Variants in L3MBTL3 observed in about 807,000 individuals in gnomAD.
L3MBTL3 encodes the protein L3MBTL histone methyl-lysine binding protein 3.
In L3MBTL3, 27 loss-of-function variants were observed where a neutral mutation model predicts 102.3. The observed-to-expected ratio is 0.26, with a 90% CI of 0.19 to 0.36. The LOEUF (loss-of-function observed/expected upper bound fraction) is 0.36. L3MBTL3 is among the 10% of genes least tolerant of loss of function. L3MBTL3 has a pLI of 1.00. For missense variants in L3MBTL3, 798 were observed against 955.3 expected (o/e 0.84, Z 2.17); for synonymous variants, 340 against 320.9 (o/e 1.06, Z -0.64).
intron 14 of L3MBTL3, 53 bp downstream of exon 14, chr6:130,078,687 A>C: frequency 8.1e-7 from 1 of 1,235,066 alleles, no homozygotes; most frequent in South Asian, 1.3e-5. Flanking sequence ...AAGAGTAGGC[A>C]GACTTTTTCT....
At chr6:130,055,639 C>CCTCCCTCTCT (rs1781442430) in intron 8 of L3MBTL3, among the ~76,000 whole-genome samples, 1 of 56,546 alleles carries the variant, frequency 1.8e-5, no homozygotes, top group African/African-American at 5.4e-5. Context: ...TCCCTCCCTC[C>CCTCCCTCTCT]CTCCCTCTCT....
rs749247908 is a variant in L3MBTL3, at chr6:130,139,800, G to C, written c.*47G>C. The C allele has an allele frequency of 2.5e-6, 4 of 1,586,094 alleles. No homozygotes were observed. The highest frequency in any genetic ancestry group is 3.4e-6 in the Non-Finnish European group (4 of 1,160,938). ...ATCAGCATTCTGCTTTAAAGCTCAT[G>C]TTTTATTCAAAGCACAAGGACGGTT... On this transcript the variant is annotated 3_prime_UTR_variant, in exon 23 of 23. Coordinates refer to ENST00000361794, the MANE Select transcript of L3MBTL3 (RefSeq NM_032438.4).
chr6:130,051,235 T>C lies in L3MBTL3; in HGVS notation c.290-14T>C. 2 of 1,590,370 alleles carry C rather than the reference T, an allele frequency of 1.3e-6. No individual in the cohort carries two copies. The highest frequency in any genetic ancestry group is 8.6e-7 in the Non-Finnish European group (1 of 1,167,196). ...TCATGGTTGTAATTTGCATTTCTTC[T>C]TTTCATCTTCTAGTCTTTTCAGAGA... On this transcript the variant is annotated splice_polypyrimidine_tract_variant and intron_variant, in intron 5 of 22. Transcript: ENST00000361794.
intron 22 of L3MBTL3, among the ~76,000 whole-genome samples, chr6:130,136,245 C>T (rs1402278618): frequency 6.6e-6 from 1 of 152,218 alleles, no homozygotes; most frequent in African/African-American, 2.4e-5. Flanking sequence ...AACCATGTCA[C>T]TCCTCTGTTC....
At chr6:130,049,202 CTA>C (rs1780925297) in intron 3 of L3MBTL3, 78 bp from the exon 4 acceptor site, 3 of 787,680 alleles carry the variant, frequency 3.8e-6, no homozygotes, top group Non-Finnish European at 6.6e-6. Flanking sequence ...TGCTTGAAGA[CTA>C]TATGTGTCAG....
intron 16 of L3MBTL3, among the ~76,000 whole-genome samples, chr6:130,088,094 G>C (rs545754814): frequency 6.6e-6 from 1 of 152,206 alleles, no homozygotes; most frequent in East Asian, 1.9e-4. Context: ...GAAAAGTGTA[G>C]ACTAGAATCC....
intron 2 of L3MBTL3, among the ~76,000 whole-genome samples, chr6:130,031,410 A>T (rs186911492): frequency 8.7e-4 from 132 of 152,324 alleles, no homozygotes; most frequent in Middle Eastern, 3.4e-3. Context: ...ATGTGATGTG[A>T]TAATAGTGCC....
In L3MBTL3 at chr6:130,120,923, C is replaced by A; in HGVS notation, c.1931C>A (p.Thr644Lys). Residue 644 changes from threonine to lysine, a missense_variant, in exon 20 of 23, where the codon ACA becomes AAA. By Grantham distance (78) the Thr-to-Lys change is moderately conservative (BLOSUM62 -1). This residue lies in a region of L3MBTL3 where 306 missense variants were observed against 314.4 expected (regional missense o/e 0.97). Coordinates refer to ENST00000361794, the MANE Select transcript of L3MBTL3 (RefSeq NM_032438.4). The part of the protein sequence containing the change: ...DDVKEDFEER[T>K]ESEMRTSHEA... ...GTCAAAGAAGACTTTGAAGAGAGAA[C>A]AGAAAGTGAAATGAGAACATCACAT... is the stretch of plus-strand genomic sequence containing the variant. 6.2e-7 allele frequency: 1 copy of A among 1,612,568 alleles called. No individual in the cohort carries two copies. Among genetic ancestry groups the A allele is most frequent in the South Asian group, 1.1e-5 (1 of 90,966 alleles).
At chr6:130,065,897 T>C (rs1474929271) in intron 10 of L3MBTL3, among the ~76,000 whole-genome samples, 2 of 151,630 alleles carry the variant, frequency 1.3e-5, no homozygotes, top group African/African-American at 4.9e-5. Context: ...AACCCAGCTT[T>C]GGTGGAGAAA....
At chr6:130,045,061 G>A (rs1178217726) in intron 3 of L3MBTL3, among the ~76,000 whole-genome samples, 1 of 152,118 alleles carries the variant, frequency 6.6e-6, no homozygotes, top group African/African-American at 2.4e-5. Flanking sequence ...AATTTTTGCT[G>A]TTTTGAAATA....
chr6:130,037,249 A>G (rs1780120731), intron 2 of L3MBTL3, among the ~76,000 whole-genome samples: 1 of 152,194 alleles, frequency 6.6e-6, no homozygotes, highest in African/African-American at 2.4e-5. Context: ...ACAATTTTAT[A>G]CTATAAGATA....
intron 20 of L3MBTL3, among the ~76,000 whole-genome samples, chr6:130,132,945 T>C (rs189475801): frequency 6.6e-6 from 1 of 152,182 alleles, no homozygotes; most frequent in Admixed American, 6.5e-5. Context: ...GAATTGGCTA[T>C]TTAAAAAATC....
intron 22 of L3MBTL3, among the ~76,000 whole-genome samples, chr6:130,139,317 T>A (rs1269750822): frequency 6.6e-6 from 1 of 152,242 alleles, no homozygotes; most frequent in Non-Finnish European, 1.5e-5. Flanking sequence ...TTTTCCATAT[T>A]CTTCTTAACT....
intron 18 of L3MBTL3, 78 bp from the exon 19 acceptor site, chr6:130,104,348 G>C (rs552369612): frequency 2.9e-6 from 3 of 1,041,068 alleles, no homozygotes; most frequent in Non-Finnish European, 4.0e-6. Context: ...TCTGTATCCT[G>C]TCATTTTAAT....
intron 20 of L3MBTL3, among the ~76,000 whole-genome samples, chr6:130,131,827 G>A (rs1262620758): frequency 6.6e-6 from 1 of 152,282 alleles, no homozygotes; most frequent in Admixed American, 6.5e-5. Flanking sequence ...ACGACCAGAG[G>A]TCACTTGGTT....
chr6:130,041,759 C>T (rs577213757), intron 2 of L3MBTL3, among the ~76,000 whole-genome samples: 1 of 152,148 alleles, frequency 6.6e-6, no homozygotes, highest in Non-Finnish European at 1.5e-5. Flanking sequence ...TTGATAGCTT[C>T]TTTGCTTTCT....
chr6:130,139,899 A>T lies in L3MBTL3; in HGVS notation c.*146A>T. On this transcript the variant is annotated 3_prime_UTR_variant, in exon 23 of 23. Coordinates refer to ENST00000361794, the MANE Select transcript of L3MBTL3 (RefSeq NM_032438.4). The stretch of plus-strand genomic sequence containing the variant: ...GGATTATTTATATTACTCAAGAGAC[A>T]ATATATATGAATTCTTATGAAAGTG... 2 of 699,626 alleles carry T rather than the reference A, an allele frequency of 2.9e-6. No individual in the cohort carries two copies. Among genetic ancestry groups the T allele is most frequent in the Non-Finnish European group, 4.7e-6 (2 of 422,102 alleles). The allele number at this position is 699,626 out of a possible 1,614,324, so 43.3% of individuals were successfully genotyped here. A position where few individuals can be genotyped will look rare whatever the true frequency, so the allele number is the denominator to read the frequency against.
intron 22 of L3MBTL3, among the ~76,000 whole-genome samples, chr6:130,135,402 A>G (rs1280528583): frequency 6.6e-6 from 1 of 152,160 alleles, no homozygotes. Flanking sequence ...TTAGAGCCAC[A>G]TAGGGAGCTG....
At chr6:130,054,035 C>G (rs1034618478) in intron 7 of L3MBTL3, among the ~76,000 whole-genome samples, 1 of 152,142 alleles carries the variant, frequency 6.6e-6, no homozygotes, top group Non-Finnish European at 1.5e-5. Flanking sequence ...TGGCTGACTA[C>G]TTTAGGTTGG....
Sources: gnomAD v4.1 joint callset for allele counts (sites outside exome capture counted in the v4.1 genomes callset) on GRCh38, gnomAD v4.1.1 for gene constraint, gnomAD v4.1.1 regional missense constraint, MANE v1.5 for transcripts, NCBI Gene and HGNC (gene_info 2026-07-23, HGNC 2026-07-21) for gene names.